The following CRISP1 variants were observed in gnomAD, a reference collection of about 807,000 sequenced individuals.
CRISP1 encodes the protein cysteine rich secretory protein 1.
CRISP1 carries 44 observed loss-of-function variants against 33.1 expected under a neutral mutation model. The observed-to-expected ratio is 1.33, with a 90% CI of 1.05 to 1.71. CRISP1 has a LOEUF of 1.71. CRISP1 is among the 40% of genes most tolerant of loss of function. CRISP1 has a pLI of 0.00. For synonymous variants in CRISP1, 103 were observed against 98.7 expected (o/e 1.04, Z -0.26); for missense variants, 390 against 301.2 (o/e 1.29, Z -2.18).
chr6:49,844,433 T>C (rs956029638), intron 5 of CRISP1, among the ~76,000 whole-genome samples: 10 of 152,286 alleles, frequency 6.6e-5, no homozygotes, highest in African/African-American at 2.4e-4. Flanking sequence ...TCAGAGATCA[T>C]GAGGGCTCCC....
At chr6:49,854,712 A>AT (rs908116624) in intron 2 of CRISP1, among the ~76,000 whole-genome samples, 1 of 151,282 alleles carries the variant, frequency 6.6e-6, no homozygotes. Context: ...ACCTCCCTCC[A>AT]TTTTTTTCAA....
intron 7 of CRISP1, 96 bp from the exon 8 acceptor site, chr6:49,835,539 T>A (rs1482082013): frequency 1.7e-6 from 2 of 1,176,226 alleles, no homozygotes; most frequent in African/African-American, 1.6e-5. Context: ...AGAGAAATTT[T>A]TATTAACAAT....
intron 4 of CRISP1, 134 bp from the exon 5 acceptor site, chr6:49,846,802 G>A: frequency 1.2e-6 from 1 of 824,806 alleles, no homozygotes; most frequent in Non-Finnish European, 1.8e-6. Flanking sequence ...AGTAAAATAA[G>A]TTGTATCCCC....
At chr6:49,846,434 A>G in intron 5 of CRISP1, 86 bp downstream of exon 5, 2 of 1,355,174 alleles carry the variant, frequency 1.5e-6, no homozygotes, top group South Asian at 1.4e-5. Flanking sequence ...AAGAAGGTAG[A>G]ATGATTTTCA....
At chr6:49,869,985 C>T (rs189785336), upstream of CRISP1, among the ~76,000 whole-genome samples, 1 of 152,118 alleles carries the variant, frequency 6.6e-6, no homozygotes, top group Admixed American at 6.6e-5. Flanking sequence ...GGAACAGGTC[C>T]CTTCTCAGAC....
intron 2 of CRISP1, among the ~76,000 whole-genome samples, chr6:49,852,981 AC>A (rs759790647): frequency 6.6e-6 from 1 of 152,014 alleles, no homozygotes; most frequent in Non-Finnish European, 1.5e-5. Flanking sequence ...CTACCACATG[AC>A]CATCAGCACA....
At chr6:49,853,841 C>G (rs1771420495) in intron 2 of CRISP1, among the ~76,000 whole-genome samples, 1 of 152,152 alleles carries the variant, frequency 6.6e-6, no homozygotes. Context: ...TCGGATGAGA[C>G]TGACAATTCT....
intron 7 of CRISP1, among the ~76,000 whole-genome samples, chr6:49,836,925 C>A (rs977088788): frequency 2.6e-5 from 4 of 152,044 alleles, no homozygotes; most frequent in Non-Finnish European, 4.4e-5. Flanking sequence ...AATTACCTAT[C>A]TTTATCCTAC....
chr6:49,869,754 G>A (rs1771880582), upstream of CRISP1, among the ~76,000 whole-genome samples: 1 of 152,166 alleles, frequency 6.6e-6, no homozygotes, highest in African/African-American at 2.4e-5. Context: ...TGGTCTAAAT[G>A]TTGGTGTCCC....
At chr6:49,861,503 T>C (rs1188624741) in intron 1 of CRISP1, among the ~76,000 whole-genome samples, 1 of 152,252 alleles carries the variant, frequency 6.6e-6, no homozygotes, top group Non-Finnish European at 1.5e-5. Context: ...AAGAACCATA[T>C]GGTAATCTCA....
chr6:49,849,930 GACACA>G lies in CRISP1; in HGVS notation c.196-1636_196-1632del, dbSNP rs1465910042. ...CTATGTCTAACTGATAAGCAGAGAG[GACACA>G]ACACATCTACCAGTGTATAGCCTCT... On this transcript the variant is annotated intron_variant, in intron 3 of 7. Transcript: ENST00000335847. Among the ~76,000 whole-genome samples, 3 of 151,904 alleles carry G rather than the reference GACACA, an allele frequency of 2.0e-5. No homozygotes were observed. The South Asian group carries it at 6.2e-4, about 32-fold the overall frequency.
chr6:49,857,492 T>G, intron 1 of CRISP1, 90 bp from the exon 2 acceptor site: 1 of 1,257,112 alleles, frequency 8.0e-7, no homozygotes. Context: ...TACATGTGTT[T>G]GCATTTTTTT....
At chr6:49,849,137 T>A (rs1210132821) in intron 3 of CRISP1, among the ~76,000 whole-genome samples, 1 of 152,124 alleles carries the variant, frequency 6.6e-6, no homozygotes, top group Non-Finnish European at 1.5e-5. Flanking sequence ...AAGGGAGAAA[T>A]TCTGCATCTG....
chr6:49,840,078 TA>T (rs1770933517), intron 6 of CRISP1, among the ~76,000 whole-genome samples: 1 of 152,156 alleles, frequency 6.6e-6, no homozygotes, highest in African/African-American at 2.4e-5. Flanking sequence ...CTGAAGGAGA[TA>T]TATGATGGCG....
intron 1 of CRISP1, among the ~76,000 whole-genome samples, chr6:49,873,510 T>C (rs116189569): frequency 0.011 from 1,717 of 152,190 alleles, 35 homozygotes; most frequent in African/African-American, 0.037. Context: ...TGTTAGGCTA[T>C]TTTTCCTACC....
chr6:49,869,192 A>G (rs1771867685), upstream of CRISP1, among the ~76,000 whole-genome samples: 1 of 152,134 alleles, frequency 6.6e-6, no homozygotes, highest in African/African-American at 2.4e-5. Flanking sequence ...TTGTCAGTTG[A>G]GGCTGCAGAC....
At chr6:49,863,623 C>G (rs977735863) in intron 1 of CRISP1, among the ~76,000 whole-genome samples, 4 of 152,108 alleles carry the variant, frequency 2.6e-5, no homozygotes, top group African/African-American at 9.7e-5. Flanking sequence ...ATTTGTAAAT[C>G]ATAAACAACT....
intron 1 of CRISP1, among the ~76,000 whole-genome samples, chr6:49,872,180 G>T (rs536293582): frequency 7.2e-5 from 11 of 152,056 alleles, no homozygotes; most frequent in Admixed American, 5.2e-4. Context: ...ATGTGTCTTT[G>T]GGCTGCATAA....
In CRISP1 at chr6:49,835,398, T is replaced by G; in HGVS notation, c.668A>C (p.Gln223Pro). The change falls in exon 8 of 8, where the codon CAA becomes CCA. Residue 223 changes from glutamine to proline, a missense_variant. Transcript: ENST00000335847. ...YYDEYFDCDI[Q>P]VHYLGCNHST... ...GTGGTTGCATCCCAGATAATGGACTTGTATGTCACAGTCGAAGTATTCATC... is the reference window on the plus strand; with the variant it reads ...GTGGTTGCATCCCAGATAATGGACTGGTATGTCACAGTCGAAGTATTCATC... 2.5e-6 allele frequency: 4 copies of G among 1,613,708 alleles called. No individual in the cohort carries two copies. The highest frequency in any genetic ancestry group is 3.4e-6 in the Non-Finnish European group (4 of 1,179,652).
Sources: gnomAD v4.1 joint callset for allele counts (sites outside exome capture counted in the v4.1 genomes callset) on GRCh38, gnomAD v4.1.1 for gene constraint, MANE v1.5 for transcripts, NCBI Gene and HGNC (gene_info 2026-07-23, HGNC 2026-07-21) for gene names.